IQCJ: variants seen among roughly 807,000 people sequenced by gnomAD.
The protein encoded by IQCJ is IQ domain-containing protein J.
Under a neutral mutation model 11.0 loss-of-function variants are expected in IQCJ, and 9 were observed. The observed-to-expected ratio is 0.82, with a 90% confidence interval of 0.49 to 1.43. The LOEUF (loss-of-function observed/expected upper bound fraction) is 1.43. IQCJ is among the 40% of genes most tolerant of loss of function. The pLI is 0.00. For missense variants in IQCJ, 146 were observed against 133.2 expected (o/e 1.10, Z -0.47); for synonymous variants, 55 against 51.3 (o/e 1.07, Z -0.31).
chr3:159,174,795 AT>A lies in IQCJ; in HGVS notation c.10-71039del, dbSNP rs538683968. On this transcript the variant is annotated intron_variant, in intron 1 of 3. Transcript: ENST00000397832. ...TTTATTGTGTGCATTATTTTGTAGT[AT>A]TTTTTTTTCTTAGCCATGTTATTGA... 6.4e-3 allele frequency among the ~76,000 whole-genome samples: 966 copies of A among 150,104 alleles called. 4 individuals are homozygous for A. Among genetic ancestry groups the A allele is most frequent in the Middle Eastern group, 0.01 (3 of 288 alleles).
intron 1 of IQCJ, among the ~76,000 whole-genome samples, chr3:159,221,587 A>G (rs924247917): frequency 2.0e-5 from 3 of 152,172 alleles, no homozygotes; most frequent in Non-Finnish European, 4.4e-5. Flanking sequence ...TCTGCTCAGC[A>G]TCTCAGAGAC....
At chr3:159,145,944 A>G (rs927486186) in intron 1 of IQCJ, among the ~76,000 whole-genome samples, 3 of 152,206 alleles carry the variant, frequency 2.0e-5, no homozygotes, top group African/African-American at 7.2e-5. Flanking sequence ...TTGTACCATA[A>G]TTATCGGAGC....
intron 1 of IQCJ, among the ~76,000 whole-genome samples, chr3:159,139,742 A>G (rs1720494702): frequency 6.6e-6 from 1 of 152,136 alleles, no homozygotes; most frequent in African/African-American, 2.4e-5. Flanking sequence ...CCTCCATTTG[A>G]AGCACCGGGC....
At chr3:159,094,772 T>G (rs1250026532) in intron 1 of IQCJ, among the ~76,000 whole-genome samples, 1 of 151,922 alleles carries the variant, frequency 6.6e-6, no homozygotes, top group Non-Finnish European at 1.5e-5. Flanking sequence ...GAAATAGGAC[T>G]TGACCTTGGA....
At chr3:159,218,341 TTG>T (rs34078356) in intron 1 of IQCJ, among the ~76,000 whole-genome samples, 3,160 of 145,872 alleles carry the variant, frequency 0.022, 87 homozygotes, top group African/African-American at 0.06. Context: ...GAGTCCCTCT[TTG>T]TGTGTGTGTG....
intron 1 of IQCJ, among the ~76,000 whole-genome samples, chr3:159,197,017 C>G (rs1724027578): frequency 6.6e-6 from 1 of 151,752 alleles, no homozygotes; most frequent in African/African-American, 2.4e-5. Flanking sequence ...TTTCTGTACT[C>G]TTTGTCTTCA....
chr3:159,240,883 G>T (rs148964460), intron 1 of IQCJ, among the ~76,000 whole-genome samples: 46 of 152,094 alleles, frequency 3.0e-4, no homozygotes, highest in African/African-American at 1.1e-3. Context: ...ATGAGCCACC[G>T]CACCCGGCCC....
chr3:159,239,307 T>G (rs1726770199), intron 1 of IQCJ, among the ~76,000 whole-genome samples: 1 of 152,246 alleles, frequency 6.6e-6, no homozygotes, highest in Non-Finnish European at 1.5e-5. Flanking sequence ...ATGTTTAATA[T>G]GATTTCCTAG....
intron 1 of IQCJ, among the ~76,000 whole-genome samples, chr3:159,179,838 G>A (rs1385490117): frequency 6.6e-6 from 1 of 152,172 alleles, no homozygotes; most frequent in Non-Finnish European, 1.5e-5. Context: ...AAAAGTGGAA[G>A]AGCCCAATTC....
chr3:159,201,507 A>ATCTC (rs555631659), intron 1 of IQCJ, among the ~76,000 whole-genome samples: 2 of 117,556 alleles, frequency 1.7e-5, no homozygotes, highest in African/African-American at 6.0e-5. Flanking sequence ...TTCTTTGTGT[A>ATCTC]TCTCTGTGTG....
At chr3:159,134,973 A>G (rs1287741100) in intron 1 of IQCJ, among the ~76,000 whole-genome samples, 1 of 152,182 alleles carries the variant, frequency 6.6e-6, no homozygotes, top group Non-Finnish European at 1.5e-5. Context: ...GTTTGGGCAC[A>G]TTATACTAAA....
At chr3:159,159,397 G>C (rs866722417) in intron 1 of IQCJ, among the ~76,000 whole-genome samples, 3 of 152,258 alleles carry the variant, frequency 2.0e-5, no homozygotes, top group Middle Eastern at 3.4e-3. Context: ...GAATTAGCTA[G>C]CTCTGGGAGG....
chr3:159,211,322 T>C (rs1228000356), intron 1 of IQCJ, among the ~76,000 whole-genome samples: 1 of 152,208 alleles, frequency 6.6e-6, no homozygotes, highest in African/African-American at 2.4e-5. Context: ...CCTAGCCAAC[T>C]TGAAAAGCAT....
intron 1 of IQCJ, among the ~76,000 whole-genome samples, chr3:159,077,243 G>A (rs1715985063): frequency 6.6e-6 from 1 of 152,136 alleles, no homozygotes; most frequent in South Asian, 2.1e-4. Flanking sequence ...AATAGTAAGT[G>A]TGGGGGAAAA....
chr3:159,212,669 G>A (rs1377629360), intron 1 of IQCJ, among the ~76,000 whole-genome samples: 1 of 152,160 alleles, frequency 6.6e-6, no homozygotes, highest in Admixed American at 6.5e-5. Flanking sequence ...ACAGCCCACT[G>A]TCTAGCTGAG....
intron 1 of IQCJ, among the ~76,000 whole-genome samples, chr3:159,230,076 A>G (rs1176825570): frequency 6.6e-6 from 1 of 151,048 alleles, no homozygotes; most frequent in African/African-American, 2.4e-5. Context: ...TGCAGTGTTT[A>G]TTGTACCTAT....
intron 1 of IQCJ, among the ~76,000 whole-genome samples, chr3:159,091,626 A>G (rs138249341): frequency 1.5e-3 from 225 of 150,008 alleles, no homozygotes; most frequent in Middle Eastern, 0.01. Context: ...CAAGACAGTT[A>G]TGAGAACCTA....
chr3:159,217,167 A>G (rs886601271), intron 1 of IQCJ, among the ~76,000 whole-genome samples: 4 of 152,132 alleles, frequency 2.6e-5, no homozygotes, highest in Non-Finnish European at 5.9e-5. Context: ...GTCGATATTA[A>G]GATTTAATTG....
chr3:159,125,945 C>T (rs1366949669), intron 1 of IQCJ, among the ~76,000 whole-genome samples: 1 of 152,192 alleles, frequency 6.6e-6, no homozygotes, highest in East Asian at 1.9e-4. Flanking sequence ...TGAAGACAAT[C>T]CCTACACTCA....
Sources: allele counts gnomAD v4.1 joint callset (sites outside exome capture counted in the v4.1 genomes callset), GRCh38; gene constraint gnomAD v4.1.1; transcripts MANE v1.5; gene names NCBI Gene and HGNC (gene_info 2026-07-23, HGNC 2026-07-21).